The following SLC9A9 variants were observed in gnomAD, a reference collection of about 807,000 sequenced individuals.
SLC9A9 encodes the protein solute carrier family 9 member A9.
In SLC9A9, 62 loss-of-function variants were observed where a neutral mutation model predicts 77.8. The ratio of observed to expected loss-of-function variants is 0.80; its 90% CI spans 0.65 to 0.98. The LOEUF (loss-of-function observed/expected upper bound fraction) is 0.98. Ranked by LOEUF, SLC9A9 falls within the 50% of genes least tolerant of loss-of-function variation. The probability of loss-of-function intolerance (pLI) is 0.00; values close to 1 mark genes in which losing one functional copy is unlikely to be tolerated. For synonymous variants in SLC9A9, 320 were observed against 283.5 expected, an observed-to-expected ratio of 1.13 and a Z score of -1.29; for missense variants, 775 against 774.9, an observed-to-expected ratio of 1.00 and a Z score of 0.00.
intron 4 of SLC9A9, among the ~76,000 whole-genome samples, chr3:143,748,688 CA>C (rs1043387498): frequency 4.1e-5 from 6 of 145,476 alleles, no homozygotes; most frequent in Non-Finnish European, 7.5e-5. Flanking sequence ...TCTTTTTGAC[CA>C]AGCTTTTTTT....
In SLC9A9 at chr3:143,552,465, A is replaced by G. The variant is rs1346545661; in HGVS notation, c.1001-15T>C. The G allele has an allele frequency of 2.5e-6, 4 of 1,610,820 alleles. No homozygotes were observed. The highest frequency in any genetic ancestry group is 3.3e-5 in the Admixed American group (2 of 59,948). ...AGCAACTATCCCTGAAATTAAAAAA[A>G]CAGATCAGTCAAAACCAATTTTTCT... On this transcript the variant is annotated splice_polypyrimidine_tract_variant and intron_variant, in intron 8 of 15. Coordinates refer to ENST00000316549, the MANE Select transcript of SLC9A9 (RefSeq NM_173653.4).
intron 2 of SLC9A9, among the ~76,000 whole-genome samples, chr3:143,826,065 C>G (rs1032686570): frequency 3.3e-5 from 5 of 152,030 alleles, no homozygotes; most frequent in African/African-American, 1.2e-4. Context: ...TTGAGACCAG[C>G]CTGGACAACA....
chr3:143,579,887 G>T (rs2037425066), intron 6 of SLC9A9, among the ~76,000 whole-genome samples: 1 of 152,188 alleles, frequency 6.6e-6, no homozygotes, highest in Non-Finnish European at 1.5e-5. Flanking sequence ...GCTTCTACAG[G>T]AAGATGTGTG....
intron 4 of SLC9A9, among the ~76,000 whole-genome samples, chr3:143,755,566 C>T (rs933833422): frequency 2.0e-5 from 3 of 152,138 alleles, no homozygotes; most frequent in Non-Finnish European, 4.4e-5. Flanking sequence ...GGGAACAAGA[C>T]ATTCCATAGA....
At chr3:143,649,484 G>A (rs2038762606) in intron 6 of SLC9A9, among the ~76,000 whole-genome samples, 1 of 152,144 alleles carries the variant, frequency 6.6e-6, no homozygotes, top group Non-Finnish European at 1.5e-5. Context: ...AAGAGTTGTG[G>A]CCATCAAATT....
chr3:143,722,309 T>A (rs1934521981), intron 4 of SLC9A9, among the ~76,000 whole-genome samples: 1 of 151,512 alleles, frequency 6.6e-6, no homozygotes, highest in South Asian at 2.1e-4. Context: ...CCATCTCTAC[T>A]AAAAATACAA....
intron 6 of SLC9A9, among the ~76,000 whole-genome samples, chr3:143,647,199 G>A (rs978459069): frequency 5.3e-5 from 8 of 152,286 alleles, no homozygotes; most frequent in East Asian, 1.9e-4. Context: ...CTGCCAAGGC[G>A]CAGGGGGATT....
chr3:143,501,855 G>T (rs838602), intron 9 of SLC9A9, among the ~76,000 whole-genome samples: 1 of 150,470 alleles, frequency 6.6e-6, no homozygotes, highest in Non-Finnish European at 1.5e-5. Flanking sequence ...TCTCCTGAAG[G>T]CATGTTTCAA....
intron 6 of SLC9A9, among the ~76,000 whole-genome samples, chr3:143,638,454 C>A (rs759468641): frequency 1.3e-4 from 20 of 152,188 alleles, no homozygotes; most frequent in Non-Finnish European, 2.5e-4. Flanking sequence ...ATTTAGTGGG[C>A]ATTCACTCTA....
At chr3:143,656,984 T>A (rs973565264) in intron 5 of SLC9A9, among the ~76,000 whole-genome samples, 1 of 152,196 alleles carries the variant, frequency 6.6e-6, no homozygotes, top group Non-Finnish European at 1.5e-5. Context: ...TTTCCCACTT[T>A]CCTGAAAAAT....
intron 14 of SLC9A9, among the ~76,000 whole-genome samples, chr3:143,311,285 T>A (rs981072095): frequency 6.6e-6 from 1 of 152,212 alleles, no homozygotes; most frequent in African/African-American, 2.4e-5. Flanking sequence ...GATTTCACAG[T>A]TGGCCAGACT....
intron 11 of SLC9A9, among the ~76,000 whole-genome samples, chr3:143,481,210 T>C (rs755911935): frequency 3.9e-5 from 6 of 152,148 alleles, no homozygotes; most frequent in Non-Finnish European, 7.4e-5. Context: ...CTAAAAATCA[T>C]GGTACAGCTT....
chr3:143,653,661 A>G (rs1182802321), intron 5 of SLC9A9, among the ~76,000 whole-genome samples: 2 of 152,160 alleles, frequency 1.3e-5, no homozygotes, highest in Non-Finnish European at 2.9e-5. Context: ...ACACAATCTG[A>G]ACTTTGGAAA....
rs137857054 is a variant in SLC9A9 at position 143,299,575 on chromosome 3, C to T, written c.1605-30595G>A. 3.9e-5 allele frequency among the ~76,000 whole-genome samples: 6 copies of T among 152,246 alleles called. No homozygotes were observed. In the East Asian group the frequency reaches 1.2e-3, roughly 29 times the overall value. On this transcript the variant is annotated intron_variant, in intron 14 of 15. Transcript: ENST00000316549. ...TCTCCTGCCTCAGCCTCCCCAGTAGCTGGGACTACAGGTGCCTGCCACCTC... is the reference window on the plus strand; with the variant it reads ...TCTCCTGCCTCAGCCTCCCCAGTAGTTGGGACTACAGGTGCCTGCCACCTC...
intron 14 of SLC9A9, among the ~76,000 whole-genome samples, chr3:143,301,690 C>A (rs1237966218): frequency 6.6e-6 from 1 of 152,160 alleles, no homozygotes; most frequent in Non-Finnish European, 1.5e-5. Flanking sequence ...GTATAGGGCA[C>A]AGTCCCTGTG....
intron 14 of SLC9A9, among the ~76,000 whole-genome samples, chr3:143,289,222 G>A (rs1382062677): frequency 6.6e-6 from 1 of 152,176 alleles, no homozygotes; most frequent in Non-Finnish European, 1.5e-5. Flanking sequence ...AAACAGAGGA[G>A]CTTAGCATTG....
chr3:143,632,887 G>C (rs887163873), intron 6 of SLC9A9, among the ~76,000 whole-genome samples: 1 of 152,154 alleles, frequency 6.6e-6, no homozygotes, highest in Non-Finnish European at 1.5e-5. Flanking sequence ...GCTCCATCAG[G>C]TCTGGTTAGG....
chr3:143,743,244 T>C (rs1935120978), intron 4 of SLC9A9, among the ~76,000 whole-genome samples: 1 of 66,902 alleles, frequency 1.5e-5, no homozygotes, highest in African/African-American at 4.7e-5. Flanking sequence ...GATGGATGGA[T>C]AGATAGATAG....
At chr3:143,625,660 C>G (rs1443357894) in intron 6 of SLC9A9, among the ~76,000 whole-genome samples, 2 of 152,158 alleles carry the variant, frequency 1.3e-5, no homozygotes, top group Admixed American at 1.3e-4. Context: ...ACCATAAAAA[C>G]CCTAGAAGAA....
Sources: gnomAD v4.1 joint callset for allele counts (sites outside exome capture counted in the v4.1 genomes callset) on GRCh38, gnomAD v4.1.1 for gene constraint, MANE v1.5 for transcripts, NCBI Gene and HGNC (gene_info 2026-07-23, HGNC 2026-07-21) for gene names.